Variants in MRPS23 observed in about 807,000 individuals in gnomAD.
MRPS23 encodes mitochondrial ribosomal protein S23.
Under a neutral mutation model 19.8 loss-of-function variants are expected in MRPS23, and 14 were observed. The ratio of observed to expected loss-of-function variants is 0.71; its 90% CI spans 0.47 to 1.11. The LOEUF (loss-of-function observed/expected upper bound fraction) is 1.11. Ranked by LOEUF, MRPS23 falls within the 50% of genes least tolerant of loss-of-function variation. MRPS23 has a pLI of 0.00. For synonymous variants in MRPS23, 113 were observed against 89.7 expected (o/e 1.26, Z -1.47); for missense variants, 242 against 236.7 (o/e 1.02, Z -0.15).
chr17:57,840,604 G>C (rs985895940), intron 4 of MRPS23, among the ~76,000 whole-genome samples: 1 of 151,916 alleles, frequency 6.6e-6, no homozygotes, highest in African/African-American at 2.4e-5. Flanking sequence ...TGCATCTACA[G>C]GTTCCACATA....
chr17:57,841,059 T>G lies in MRPS23; in HGVS notation c.294-7A>C, dbSNP rs1597951672. 6.2e-7 allele frequency: 1 copy of G among 1,613,632 alleles called. No individual in the cohort carries two copies. Among genetic ancestry groups the G allele is most frequent in the Non-Finnish European group, 8.5e-7 (1 of 1,179,756 alleles). Reference sequence around the variant, plus strand: ...AGTGTACTTCTCCACAAACCTGTAATTCCAAGCAGTCACATTTTAGGTATG... The same window carrying G: ...AGTGTACTTCTCCACAAACCTGTAAGTCCAAGCAGTCACATTTTAGGTATG... On this transcript the variant is annotated splice_polypyrimidine_tract_variant and splice_region_variant and intron_variant, in intron 3 of 4. Coordinates refer to ENST00000313608, the MANE Select transcript of MRPS23 (RefSeq NM_016070.4).
intron 2 of MRPS23, among the ~76,000 whole-genome samples, chr17:57,843,291 A>AAC (rs1597952499): frequency 2.7e-5 from 4 of 147,418 alleles, no homozygotes; most frequent in African/African-American, 1.0e-4. Context: ...AAAATACACA[A>AAC]ACACACACAC....
At chr17:57,845,975 T>C (rs1217900722) in intron 2 of MRPS23, among the ~76,000 whole-genome samples, 2 of 152,076 alleles carry the variant, frequency 1.3e-5, no homozygotes, top group Non-Finnish European at 2.9e-5. Flanking sequence ...TGTAGAGCTA[T>C]TAAAGACAGG....
intron 2 of MRPS23, among the ~76,000 whole-genome samples, chr17:57,845,728 C>G (rs2685492): frequency 0.41 from 62,068 of 152,024 alleles, 13,124 homozygotes; most frequent in East Asian, 0.73. Context: ...CAAACAGTCC[C>G]AGTCCTGGCC....
intron 2 of MRPS23, among the ~76,000 whole-genome samples, chr17:57,848,330 A>C (rs191272797): frequency 6.7e-6 from 1 of 149,736 alleles, no homozygotes; most frequent in African/African-American, 2.4e-5. Context: ...TAAGAAAAAG[A>C]AAAAAAAAGA....
chr17:57,840,605 G>A (rs375294385), intron 4 of MRPS23, among the ~76,000 whole-genome samples: 17 of 152,006 alleles, frequency 1.1e-4, no homozygotes, highest in African/African-American at 3.6e-4. Context: ...GCATCTACAG[G>A]TTCCACATAT....
intron 2 of MRPS23, among the ~76,000 whole-genome samples, chr17:57,846,402 C>T (rs1286392215): frequency 6.6e-6 from 1 of 152,220 alleles, no homozygotes; most frequent in East Asian, 1.9e-4. Flanking sequence ...GGCCGCCACC[C>T]CATCTGGGAG....
chr17:57,840,854 T>C (rs2073735724), intron 4 of MRPS23, 72 bp downstream of exon 4: 1 of 1,572,374 alleles, frequency 6.4e-7, no homozygotes, highest in Non-Finnish European at 8.6e-7. Context: ...GCAGGGGCCC[T>C]AGCACCAATC....
Position 57,849,364 on chromosome 17 carries a change from A to C in MRPS23, c.91T>G (p.Trp31Gly), listed in dbSNP as rs1317680019. ...GGAAAGGCGTCATATACGTCAAACCACAGGGGCTTCTCCTTCAGCACCCCG... is the reference window on the plus strand; with the variant it reads ...GGAAAGGCGTCATATACGTCAAACCCCAGGGGCTTCTCCTTCAGCACCCCG... ...RAGVLKEKPLWFDVYDAFPPL... is the reference protein window; with the variant it reads ...RAGVLKEKPLGFDVYDAFPPL... Residue 31 changes from tryptophan (W) to glycine (G), a missense_variant, in exon 2 of 5, where the codon TGG becomes GGG. By Grantham distance (184) the Trp-to-Gly change is radical. Transcript: ENST00000313608. The C allele has an allele frequency of 6.2e-7, 1 of 1,614,092 alleles. No homozygotes were observed. The highest frequency in any genetic ancestry group is 1.7e-4 in the Middle Eastern group (1 of 6,052).
chr17:57,843,206 G>A (rs2073751873), intron 2 of MRPS23, among the ~76,000 whole-genome samples: 2 of 151,226 alleles, frequency 1.3e-5, no homozygotes, highest in African/African-American at 2.4e-5. Flanking sequence ...AGTCCAGGAG[G>A]TCAAGGCTGC....
chr17:57,840,911 C>T lies in MRPS23; in HGVS notation c.420+15G>A, dbSNP rs767252747. The T allele has an allele frequency of 6.2e-7, 1 of 1,613,476 alleles. No homozygotes were observed. The highest frequency in any genetic ancestry group is 8.5e-7 in the Non-Finnish European group (1 of 1,179,690). On this transcript the variant is annotated intron_variant, in intron 4 of 4. Coordinates refer to ENST00000313608, the MANE Select transcript of MRPS23 (RefSeq NM_016070.4). Reference sequence around the variant, plus strand: ...ACTATAAACCCAGTAACAATTTTAACAATGAAATACTCACAGTCCTTGCTT... The same window carrying T: ...ACTATAAACCCAGTAACAATTTTAATAATGAAATACTCACAGTCCTTGCTT...
Position 57,835,618 on chromosome 17 carries a change from T to G in MRPS23, c.*4165A>C, listed in dbSNP as rs942800413. The stretch of plus-strand genomic sequence containing the variant: ...TGGGCTTTTCCACTACTGCTCAAAA[T>G]AGTAATAAAACCACCAGCCACACAT... On this transcript the variant is annotated 3_prime_UTR_variant, in exon 5 of 5. Coordinates refer to ENST00000313608, the MANE Select transcript of MRPS23 (RefSeq NM_016070.4). 1 of 152,350 alleles carries G rather than the reference T, an allele frequency of 6.6e-6. No individual in the cohort carries two copies. The highest frequency in any genetic ancestry group is 6.5e-5 in the Admixed American group (1 of 15,298). The allele number at this position is 152,350 out of a possible 1,614,324, so 9.4% of individuals were successfully genotyped here.
In MRPS23 at chr17:57,839,042, G is replaced by GC. The variant is rs2073724706; in HGVS notation, c.*740dup. ...GGAGGCAGGTGGATGCTGGTGGAGA[G>GC]CATCACCTAAATTAGCTGCCTCCTT... On this transcript the variant is annotated 3_prime_UTR_variant, in exon 5 of 5. Coordinates refer to ENST00000313608, the MANE Select transcript of MRPS23 (RefSeq NM_016070.4). 3 of 152,208 alleles carry GC rather than the reference G, an allele frequency of 2.0e-5. No homozygotes were observed. 9.4% of individuals were successfully genotyped at this position (152,208 alleles called of 1,614,324 possible).
intron 2 of MRPS23, among the ~76,000 whole-genome samples, chr17:57,842,412 C>T (rs1258825733): frequency 6.6e-6 from 1 of 152,220 alleles, no homozygotes; most frequent in Non-Finnish European, 1.5e-5. Context: ...ATTTTCATCA[C>T]CCCCAAAAGG....
At chr17:57,848,033 C>T (rs1190383296) in intron 2 of MRPS23, among the ~76,000 whole-genome samples, 1 of 151,962 alleles carries the variant, frequency 6.6e-6, no homozygotes, top group Non-Finnish European at 1.5e-5. Flanking sequence ...ATTATCAATA[C>T]TGACAAGGAT....
At position 57,850,003 on chromosome 17, in the gene MRPS23, C is replaced by T. The variant is rs1410678513; in HGVS notation, c.8G>A (p.Gly3Asp). 3 of 1,593,126 alleles carry T rather than the reference C, an allele frequency of 1.9e-6. No homozygotes were observed. Among genetic ancestry groups the T allele is most frequent in the East Asian group, 4.6e-5 (2 of 43,660 alleles). Residue 3 changes from glycine (G) to aspartate (D), a missense_variant, in exon 1 of 5, where the codon GGC becomes GAC. Coordinates refer to ENST00000313608, the MANE Select transcript of MRPS23 (RefSeq NM_016070.4). ...GCTCCCTACGGTTTCCAGCCGGCTG[C>T]CTGCCATGATCTGCGCCTGGTACCG... MA[G>D]SRLETVGSIF... is the part of the protein sequence containing the mutation.
At chr17:57,842,864 TAAA>T (rs746598526) in intron 2 of MRPS23, among the ~76,000 whole-genome samples, 2,426 of 79,282 alleles carry the variant, frequency 0.031, 66 homozygotes, top group Middle Eastern at 0.088. Flanking sequence ...ACCCTGTCTC[TAAA>T]AAAAAAAAAA....
Position 57,841,000 on chromosome 17 carries a change from T to G in MRPS23, c.346A>C (p.Lys116Gln). The G allele has an allele frequency of 6.2e-7, 1 of 1,614,186 alleles. No homozygotes were observed. The highest frequency in any genetic ancestry group is 8.5e-7 in the Non-Finnish European group (1 of 1,180,034). ...LQKLGETDEEKLFVETGKALL... is the reference protein window; with the variant it reads ...LQKLGETDEEQLFVETGKALL... ...GCCTTCCCTGTTTCCACAAATAACT[T>G]CTCTTCATCTGTTTCTCCAAGTTTC... Residue 116 changes from lysine (K) to glutamine (Q), a missense_variant, in exon 4 of 5, where the codon AAG becomes CAG. Coordinates refer to ENST00000313608, the MANE Select transcript of MRPS23 (RefSeq NM_016070.4).
intron 2 of MRPS23, among the ~76,000 whole-genome samples, chr17:57,846,676 C>T (rs1056604514): frequency 8.5e-5 from 13 of 152,140 alleles, no homozygotes; most frequent in African/African-American, 1.7e-4. Context: ...GGATTAAGGG[C>T]GGTGCAAGAT....
Sources: allele counts gnomAD v4.1 joint callset (sites outside exome capture counted in the v4.1 genomes callset), GRCh38; gene constraint gnomAD v4.1.1; transcripts MANE v1.5; gene names NCBI Gene and HGNC (gene_info 2026-07-23, HGNC 2026-07-21).